KRT84: variants seen among roughly 807,000 people sequenced by gnomAD.
KRT84 encodes keratin 84.
A neutral mutation model predicts 49.0 loss-of-function variants in KRT84; 38 were observed. That is an observed-to-expected ratio of 0.78 (90% confidence interval 0.60 to 1.02). The LOEUF (loss-of-function observed/expected upper bound fraction) is 1.02. Ranked by LOEUF, KRT84 falls within the 50% of genes least tolerant of loss-of-function variation. The pLI is 0.00. For missense variants in KRT84, 860 were observed against 788.6 expected (o/e 1.09, Z -1.08); for synonymous variants, 334 against 312.8 (o/e 1.07, Z -0.72).
At chr12:52,386,056 A>G (rs1371013123), upstream of KRT84, among the ~76,000 whole-genome samples, 9 of 152,210 alleles carry the variant, frequency 5.9e-5, no homozygotes, top group Non-Finnish European at 1.5e-5. Context: ...ATGAAGATAT[A>G]ACCCCCTAAA....
At position 52,385,369 on chromosome 12, in the gene KRT84, T is replaced by G. The variant is rs1345982346; in HGVS notation, c.217A>C (p.Ile73Leu). The G allele has an allele frequency of 5.0e-6, 8 of 1,613,992 alleles. No individual in the cohort carries two copies. Among genetic ancestry groups the G allele is most frequent in the Non-Finnish European group, 6.8e-6 (8 of 1,180,024 alleles). The change falls in exon 1 of 9, where the codon ATC becomes CTC. Residue 73 changes from isoleucine (I) to leucine (L), a missense_variant. Transcript: ENST00000257951. ...GCACCAAAGCGGACTCCACAGTGGATGGGCCGAGAGCCTACAGCTGCTATC... is the reference window on the plus strand; with the variant it reads ...GCACCAAAGCGGACTCCACAGTGGAGGGGCCGAGAGCCTACAGCTGCTATC... Reference protein sequence around the residue: ...PRIAAVGSRPIHCGVRFGAGC... With the variant: ...PRIAAVGSRPLHCGVRFGAGC...
chr12:52,383,514 C>G (rs1205873302), intron 2 of KRT84, 76 bp downstream of exon 2: 1 of 1,269,580 alleles, frequency 7.9e-7, no homozygotes, highest in Non-Finnish European at 1.1e-6. Flanking sequence ...TCCAGCTGCT[C>G]TCATCTGAGC....
chr12:52,379,537 G>A (rs1457720502), intron 8 of KRT84, among the ~76,000 whole-genome samples: 4 of 152,202 alleles, frequency 2.6e-5, no homozygotes, highest in Admixed American at 2.0e-4. Context: ...AGGCTCCCCT[G>A]GCAGAGGCGT....
chr12:52,377,995 T>A lies in KRT84; in HGVS notation c.*39A>T. Reference sequence around the variant, plus strand: ...GGGGCAGAAGCAGGAGCCGTGGAGCTGGTTCTTCTCTGGGCAGCAGCTGTC... The same window carrying A: ...GGGGCAGAAGCAGGAGCCGTGGAGCAGGTTCTTCTCTGGGCAGCAGCTGTC... On this transcript the variant is annotated 3_prime_UTR_variant, in exon 9 of 9. Transcript: ENST00000257951. 7.3e-7 allele frequency: 1 copy of A among 1,367,780 alleles called. No homozygotes were observed. 84.7% of individuals were successfully genotyped at this position (1,367,780 alleles called of 1,614,324 possible).
At chr12:52,379,495 C>T (rs1422963864) in intron 8 of KRT84, among the ~76,000 whole-genome samples, 2 of 152,190 alleles carry the variant, frequency 1.3e-5, no homozygotes, top group East Asian at 3.9e-4. Flanking sequence ...TTCCATTTGG[C>T]CTTATTGCGT....
At position 52,378,107 on chromosome 12, in the gene KRT84, C is replaced by T; in HGVS notation, c.1730G>A (p.Ser577Asn). ...GGAGCTGCGGCCGCCGCTGCAGCTG[C>T]TGAAGCCCCCCTGGGTGGGCAGGGG... Reference protein sequence around the residue: ...PCPLPTQGGFSSCSGGRSSSV... With the variant: ...PCPLPTQGGFNSCSGGRSSSV... The change falls in exon 9 of 9, where the codon AGC becomes AAC. Residue 577 changes from serine to asparagine, a missense_variant. Physicochemically the swap from Ser to Asn is conservative, Grantham distance 46. Transcript: ENST00000257951. 1 of 1,518,852 alleles carries T rather than the reference C, an allele frequency of 6.6e-7. No individual in the cohort carries two copies. 94.1% of individuals were successfully genotyped at this position (1,518,852 alleles called of 1,614,324 possible). A position where few individuals can be genotyped will look rare whatever the true frequency, so the allele number is the denominator to read the frequency against.
At chr12:52,380,636 G>A in intron 6 of KRT84, 53 bp from the exon 7 acceptor site, 3 of 1,509,074 alleles carry the variant, frequency 2.0e-6, no homozygotes, top group South Asian at 2.5e-5. Flanking sequence ...GGCATCCCCA[G>A]GTTGGGTTAG....
At chr12:52,380,625 G>A in intron 6 of KRT84, 42 bp from the exon 7 acceptor site, 2 of 1,539,558 alleles carry the variant, frequency 1.3e-6, no homozygotes, top group Non-Finnish European at 8.8e-7. Context: ...GGCAGTGCCA[G>A]GGCATCCCCA....
rs1229103326 is a variant in KRT84 at position 52,379,916 on chromosome 12, GGGAA to G, written c.1425-13_1425-10del. On this transcript the variant is annotated splice_polypyrimidine_tract_variant and intron_variant, in intron 7 of 8. Transcript: ENST00000257951. ...CAACACCTTCACAGAGCCTGGAAAG[GGGAA>G]GAAACAAATCATTTCACATGCACTA... is the stretch of plus-strand genomic sequence containing the variant. The G allele has an allele frequency of 6.2e-7, 1 of 1,611,224 alleles. No individual in the cohort carries two copies.
chr12:52,380,989 G>T, intron 6 of KRT84, 91 bp downstream of exon 6: 1 of 1,506,658 alleles, frequency 6.6e-7, no homozygotes, highest in Non-Finnish European at 9.0e-7. Context: ...GGTCTTGATG[G>T]TCTCCCTCAC....
rs1290710000 is a variant in KRT84 at position 52,381,184 on chromosome 12, C to A, written c.1099G>T (p.Ala367Ser). 5.6e-6 allele frequency: 9 copies of A among 1,614,204 alleles called. No homozygotes were observed. In the East Asian group the frequency reaches 2.0e-4, roughly 36 times the overall value. The change falls in exon 6 of 9, where the codon GCT becomes TCT. Residue 367 changes from alanine (A) to serine (S), a missense_variant. Ala to Ser is a moderately conservative substitution (Grantham distance 99, BLOSUM62 1). Coordinates refer to ENST00000257951, the MANE Select transcript of KRT84 (RefSeq NM_033045.4). ...CGCAGGTTGTCACAGTGTTGGCCAG[C>A]TGTCACCTGCATCTCTTCATACTGC... ...QTKYEEMQVT[A>S]GQHCDNLRNI...
Position 52,379,891 on chromosome 12 carries a change from C to A in KRT84, c.1441G>T (p.Gly481Ter). ...GEESRLCEGV[G>*]PVNISVSSSR... ...AGTTTCTTACATATGTTTACTGGTC[C>A]AACACCTTCACAGAGCCTGGAAAGG... The change falls in exon 8 of 9, where the codon GGA becomes TGA. Residue 481 changes from glycine to a stop codon, truncating the protein, a stop_gained. Coordinates refer to ENST00000257951, the MANE Select transcript of KRT84 (RefSeq NM_033045.4). LOFTEE classifies it low-confidence loss of function (END_TRUNC). 6.2e-7 allele frequency: 1 copy of A among 1,611,882 alleles called. No homozygotes were observed. The highest frequency in any genetic ancestry group is 1.1e-5 in the South Asian group (1 of 91,042).
chr12:52,382,940 G>A, intron 3 of KRT84, 65 bp downstream of exon 3: 1 of 1,395,246 alleles, frequency 7.2e-7, no homozygotes, highest in East Asian at 2.3e-5. Context: ...GCAGTTTCCT[G>A]GGGAGTCTTG....
Position 52,383,593 on chromosome 12 carries a change from T to G in KRT84, c.752A>C (p.Lys251Thr). 1 of 1,612,584 alleles carries G rather than the reference T, an allele frequency of 6.2e-7. No homozygotes were observed. ...HLQDVLEGFKKKYEEEVVCRA... is the reference protein window; with the variant it reads ...HLQDVLEGFKTKYEEEVVCRA... ...GTGCAGCTCAGATGTCACTCACTTC[T>G]TCTTGAAGCCCTCTAGGACATCCTG... Residue 251 changes from lysine to threonine, a missense_variant, in exon 2 of 9, where the codon AAG becomes ACG. Lys to Thr is a moderately conservative substitution (Grantham distance 78). Coordinates refer to ENST00000257951, the MANE Select transcript of KRT84 (RefSeq NM_033045.4).
chr12:52,379,858 A>G lies in KRT84; in HGVS notation c.1456+18T>C. On this transcript the variant is annotated intron_variant, in intron 8 of 8. Transcript: ENST00000257951. ...AAGAGGAGAGAAATGTGTGAAGAGG[A>G]AAAAACAAGTTTCTTACATATGTTT... The G allele has an allele frequency of 6.2e-7, 1 of 1,604,664 alleles. No individual in the cohort carries two copies. Among genetic ancestry groups the G allele is most frequent in the Non-Finnish European group, 8.5e-7 (1 of 1,171,602 alleles).
intron 4 of KRT84, among the ~76,000 whole-genome samples, 167 bp from the exon 5 acceptor site, chr12:52,381,692 G>A (rs883711): frequency 0.32 from 48,620 of 152,080 alleles, 9,764 homozygotes; most frequent in African/African-American, 0.57. Context: ...ACATGTCTGA[G>A]AACCATCTCA....
At chr12:52,384,944 C>T (rs1939546859) in intron 1 of KRT84, 96 bp downstream of exon 1, 1 of 1,288,612 alleles carries the variant, frequency 7.8e-7, no homozygotes, top group African/African-American at 1.5e-5. Context: ...AAGGTCAAGT[C>T]CCCAGAACCG....
rs763047205 is a variant in KRT84, at chr12:52,381,138, T to C, written c.1145A>G (p.Asn382Ser). 1.5e-5 allele frequency: 25 copies of C among 1,614,038 alleles called. No homozygotes were observed. The highest frequency in any genetic ancestry group is 1.9e-5 in the Non-Finnish European group (23 of 1,180,028). ...CCTCTGGATCAGGCGGGTCAGTTCG[T>C]TGATCTCGTTCCGTATGTTGCGCAG... is the stretch of plus-strand genomic sequence containing the variant. ...DNLRNIRNEINELTRLIQRLK... is the reference protein window; with the variant it reads ...DNLRNIRNEISELTRLIQRLK... Residue 382 changes from asparagine to serine, a missense_variant, in exon 6 of 9, where the codon AAC becomes AGC. Transcript: ENST00000257951.
At position 52,378,311 on chromosome 12, in the gene KRT84, C is replaced by G. The variant is rs765749899; in HGVS notation, c.1526G>C (p.Arg509Pro). The change falls in exon 9 of 9, where the codon CGC (arginine) becomes CCC (proline). Residue 509 changes from arginine to proline, a missense_variant. Arg to Pro is a moderately radical substitution (Grantham distance 103). Transcript: ENST00000257951. ...EPLVAGSTLS[R>P]GGVTFSGSSS... ...GCTACCTGAGAAGGTGACCCCGCCG[C>G]GGGAGAGGGTGGAGCCGGCAACCAA... The G allele has an allele frequency of 2.6e-6, 4 of 1,537,094 alleles. No homozygotes were observed. The East Asian group carries it at 7.5e-5, about 29-fold the overall frequency.
Sources: gnomAD v4.1 joint callset for allele counts (sites outside exome capture counted in the v4.1 genomes callset) on GRCh38, gnomAD v4.1.1 for gene constraint, MANE v1.5 for transcripts, NCBI Gene and HGNC (gene_info 2026-07-23, HGNC 2026-07-21) for gene names.